Variants in CAMK2N2 observed in about 807,000 individuals in gnomAD.
CAMK2N2 encodes calcium/calmodulin dependent protein kinase II inhibitor 2.
In CAMK2N2, 3 loss-of-function variants were observed where a neutral mutation model predicts 7.8. The observed-to-expected ratio is 0.38, with a 90% confidence interval of 0.18 to 0.99. CAMK2N2 has a LOEUF of 0.99. CAMK2N2 is among the 50% of genes least tolerant of loss of function. The probability of loss-of-function intolerance (pLI) is 0.37; values close to 1 mark genes in which losing one functional copy is unlikely to be tolerated. For synonymous variants in CAMK2N2, 45 were observed against 46.6 expected (o/e 0.97, Z 0.14); for missense variants, 85 against 108.4 (o/e 0.78, Z 0.96).
rs1030772655 is a variant in CAMK2N2 at position 184,260,373 on chromosome 3, C to G, written c.170-146G>C. 3 of 689,326 alleles carry G rather than the reference C, an allele frequency of 4.4e-6. No individual in the cohort carries two copies. The African/African-American group carries it at 5.5e-5, about 13-fold the overall frequency. The allele number at this position is 689,326 out of a possible 1,614,324, so 42.7% of individuals were successfully genotyped here. A position where few individuals can be genotyped will look rare whatever the true frequency, so the allele number is the denominator to read the frequency against. ...CCTGTGCCGCGGTGTCCTCCCCGTC[C>G]GAACTCTTCTGGAGACCCAACCCGC... On this transcript the variant is annotated intron_variant, in intron 1 of 1. Coordinates refer to ENST00000296238, the MANE Select transcript of CAMK2N2 (RefSeq NM_033259.3). This position sits in a 1 kb window ranked among gnomAD's most constrained non-coding sequence, Gnocchi z 6.6.
rs1039176258 is a variant in CAMK2N2, at chr3:184,261,430, G to T, written c.-145C>A. The T allele has an allele frequency of 1.8e-4, 106 of 585,718 alleles. No individual in the cohort carries two copies. The highest frequency in any genetic ancestry group is 2.1e-4 in the Non-Finnish European group (89 of 413,954). The allele number at this position is 585,718 out of a possible 1,614,324, so 36.3% of individuals were successfully genotyped here. A position where few individuals can be genotyped will look rare whatever the true frequency, so the allele number is the denominator to read the frequency against. On this transcript the variant is annotated 5_prime_UTR_variant, in exon 1 of 2. Coordinates refer to ENST00000296238, the MANE Select transcript of CAMK2N2 (RefSeq NM_033259.3). The surrounding 1 kb of genome is among the most constrained non-coding windows in gnomAD (Gnocchi z 5.1). Reference sequence around the variant, plus strand: ...CATCCGGGGCTGAGGAGCCAAGCGGGGCCTCCTCCCCCGCGCCTCCGCCTC... The same window carrying T: ...CATCCGGGGCTGAGGAGCCAAGCGGTGCCTCCTCCCCCGCGCCTCCGCCTC...
Position 184,259,249 on chromosome 3 carries a change from TAC to T in CAMK2N2, c.*906_*907del, listed in dbSNP as rs1251752850. ...TCTGTGTTTATTCACACACTCCTGG[TAC>T]AGTGAGGATGGAGGAACATTTACGA... On this transcript the variant is annotated 3_prime_UTR_variant, in exon 2 of 2. Transcript: ENST00000296238. 2 of 152,664 alleles carry T rather than the reference TAC, an allele frequency of 1.3e-5. No homozygotes were observed. The highest frequency in any genetic ancestry group is 4.8e-5 in the African/African-American group (2 of 41,432). The allele number at this position is 152,664 out of a possible 1,614,324, so 9.5% of individuals were successfully genotyped here. A position where few individuals can be genotyped will look rare whatever the true frequency, so the allele number is the denominator to read the frequency against.
rs1030846508 is a variant in CAMK2N2 at position 184,260,678 on chromosome 3, A to C, written c.169+439T>G. Among the ~76,000 whole-genome samples, 1 of 152,002 alleles carries C rather than the reference A, an allele frequency of 6.6e-6. No individual in the cohort carries two copies. Among genetic ancestry groups the C allele is most frequent in the East Asian group, 1.9e-4 (1 of 5,158 alleles). ...CCTCTTCCGATCCTGGCACCAACAGAGCTCCCCTCCCCATGCAAACAACCA... is the reference window on the plus strand; with the variant it reads ...CCTCTTCCGATCCTGGCACCAACAGCGCTCCCCTCCCCATGCAAACAACCA... On this transcript the variant is annotated intron_variant, in intron 1 of 1. Transcript: ENST00000296238. This position sits in a 1 kb window ranked among gnomAD's most constrained non-coding sequence, Gnocchi z 6.6.
Position 184,261,358 on chromosome 3 carries a change from C to T in CAMK2N2, c.-73G>A. 3 of 1,266,620 alleles carry T rather than the reference C, an allele frequency of 2.4e-6. No homozygotes were observed. The highest frequency in any genetic ancestry group is 3.0e-6 in the Non-Finnish European group (3 of 986,706). 78.5% of individuals were successfully genotyped at this position (1,266,620 alleles called of 1,614,324 possible). On this transcript the variant is annotated 5_prime_UTR_variant, in exon 1 of 2. Coordinates refer to ENST00000296238, the MANE Select transcript of CAMK2N2 (RefSeq NM_033259.3). This position sits in a 1 kb window ranked among gnomAD's most constrained non-coding sequence, Gnocchi z 5.1. ...GCGGGCGGCGGGCTTGCTGCCGGAC[C>T]GGCCCTACCTCAGCAGGGGAGCCGG...
rs746095879 is a variant in CAMK2N2, at chr3:184,261,090, C to T, written c.169+27G>A. ...CCCGGCGGAGGGTTTCTGGGTCAGG[C>T]GGCGACTCCGGGCCCGGGCCGCGTA... On this transcript the variant is annotated intron_variant, in intron 1 of 1. Coordinates refer to ENST00000296238, the MANE Select transcript of CAMK2N2 (RefSeq NM_033259.3). This position sits in a 1 kb window ranked among gnomAD's most constrained non-coding sequence, Gnocchi z 5.1. The T allele has an allele frequency of 1.9e-6, 3 of 1,578,638 alleles. No homozygotes were observed. The highest frequency in any genetic ancestry group is 2.4e-5 in the East Asian group (1 of 41,844).
In CAMK2N2 at chr3:184,261,264, T is replaced by C. The variant is rs1022281014; in HGVS notation, c.22A>G (p.Ser8Gly). Reference protein sequence around the residue: MSEILPYSEDKMGRFGAD... With the variant: MSEILPYGEDKMGRFGAD... ...CCGAAGCGGCCCATCTTGTCTTCGC[T>C]GTAGGGCAGGATCTCGGACATGGCG... is the stretch of plus-strand genomic sequence containing the variant. Residue 8 changes from serine (S) to glycine (G), a missense_variant, in exon 1 of 2, where the codon AGC becomes GGC. Transcript: ENST00000296238. This position sits in a 1 kb window ranked among gnomAD's most constrained non-coding sequence, Gnocchi z 5.1. 6.9e-6 allele frequency: 11 copies of C among 1,583,054 alleles called. No homozygotes were observed. In the Admixed American group the frequency reaches 1.4e-4, roughly 20 times the overall value.
rs1464414701 is a variant in CAMK2N2 at position 184,261,375 on chromosome 3, G to C, written c.-90C>G. The C allele has an allele frequency of 8.9e-6, 10 of 1,124,570 alleles. No individual in the cohort carries two copies. Among genetic ancestry groups the C allele is most frequent in the Admixed American group, 8.6e-5 (2 of 23,346 alleles). The allele number at this position is 1,124,570 out of a possible 1,614,324, so 69.7% of individuals were successfully genotyped here. A position where few individuals can be genotyped will look rare whatever the true frequency, so the allele number is the denominator to read the frequency against. On this transcript the variant is annotated 5_prime_UTR_variant, in exon 1 of 2. Transcript: ENST00000296238. This position sits in a 1 kb window ranked among gnomAD's most constrained non-coding sequence, Gnocchi z 5.1. Reference sequence around the variant, plus strand: ...TGCCGGACCGGCCCTACCTCAGCAGGGGAGCCGGCGGAAGGATGAAGTCAT... The same window carrying C: ...TGCCGGACCGGCCCTACCTCAGCAGCGGAGCCGGCGGAAGGATGAAGTCAT...
rs962120762 is a variant in CAMK2N2 at position 184,259,453 on chromosome 3, G to T, written c.*704C>A. 2.0e-5 allele frequency: 3 copies of T among 152,812 alleles called. No individual in the cohort carries two copies. The highest frequency in any genetic ancestry group is 4.4e-5 in the Non-Finnish European group (3 of 68,208). The allele number at this position is 152,812 out of a possible 1,614,324, so 9.5% of individuals were successfully genotyped here. A position where few individuals can be genotyped will look rare whatever the true frequency, so the allele number is the denominator to read the frequency against. On this transcript the variant is annotated 3_prime_UTR_variant, in exon 2 of 2. Transcript: ENST00000296238. ...GGGGTCTGCCAGAAAGCCTCCTGGG[G>T]TCAGGCCTGGGCAGACTGGCCATGT...
In CAMK2N2 at chr3:184,260,235, G is replaced by A; in HGVS notation, c.170-8C>T. On this transcript the variant is annotated splice_polypyrimidine_tract_variant and splice_region_variant and intron_variant, in intron 1 of 1. Transcript: ENST00000296238. The surrounding 1 kb of genome is among the most constrained non-coding windows in gnomAD (Gnocchi z 6.6). ...GGTCATCCTCGATCACCACTGCGCA[G>A]GGAGAAAGCGCGTCAGCCGCGCGGC... 2 of 1,609,314 alleles carry A rather than the reference G, an allele frequency of 1.2e-6. No individual in the cohort carries two copies. The highest frequency in any genetic ancestry group is 1.7e-6 in the Non-Finnish European group (2 of 1,177,780).
Position 184,261,034 on chromosome 3 carries a change from G to T in CAMK2N2, c.169+83C>A. On this transcript the variant is annotated intron_variant, in intron 1 of 1. Coordinates refer to ENST00000296238, the MANE Select transcript of CAMK2N2 (RefSeq NM_033259.3). The surrounding 1 kb of genome is among the most constrained non-coding windows in gnomAD (Gnocchi z 5.1). ...CGCTGGTCTGCGGCAAGAGCTGCGG[G>T]CACTCGGCGGGGAACGGCAGCCGGG... 5.7e-6 allele frequency: 8 copies of T among 1,406,504 alleles called. No individual in the cohort carries two copies. The highest frequency in any genetic ancestry group is 7.5e-6 in the Non-Finnish European group (8 of 1,068,790). The allele number at this position is 1,406,504 out of a possible 1,614,324, so 87.1% of individuals were successfully genotyped here.
chr3:184,259,953 CG>C lies in CAMK2N2; in HGVS notation c.*203del, dbSNP rs1186149801. On this transcript the variant is annotated 3_prime_UTR_variant, in exon 2 of 2. Coordinates refer to ENST00000296238, the MANE Select transcript of CAMK2N2 (RefSeq NM_033259.3). ...CATGAGCGCGGCGGCGGGTTCCGGG[CG>C]GGTCCGCGCCGCCGCTACCGCGGCC... 1.3e-5 allele frequency: 2 copies of C among 152,542 alleles called. No homozygotes were observed. Among genetic ancestry groups the C allele is most frequent in the Non-Finnish European group, 2.9e-5 (2 of 69,178 alleles). 9.4% of individuals were successfully genotyped at this position (152,542 alleles called of 1,614,324 possible).
chr3:184,259,826 AG>A lies in CAMK2N2; in HGVS notation c.*330del, dbSNP rs1231646646. 5.6e-4 allele frequency: 3 copies of A among 5,334 alleles called. No individual in the cohort carries two copies. The highest frequency in any genetic ancestry group is 1.4e-3 in the Non-Finnish European group (3 of 2,132). 0.3% of individuals were successfully genotyped at this position (5,334 alleles called of 1,614,324 possible). A position where few individuals can be genotyped will look rare whatever the true frequency, so the allele number is the denominator to read the frequency against. On this transcript the variant is annotated 3_prime_UTR_variant, in exon 2 of 2. Transcript: ENST00000296238. ...CAGACTGGCCGGAGGGGGGCGGGGC[AG>A]GGGAGCCGTGCGGGAGGGGGCGGGC... is the stretch of plus-strand genomic sequence containing the variant.
chr3:184,261,059 G>A lies in CAMK2N2; in HGVS notation c.169+58C>T, dbSNP rs1236653829. On this transcript the variant is annotated intron_variant, in intron 1 of 1. Coordinates refer to ENST00000296238, the MANE Select transcript of CAMK2N2 (RefSeq NM_033259.3). The surrounding 1 kb of genome is among the most constrained non-coding windows in gnomAD (Gnocchi z 5.1). ...GCACTCGGCGGGGAACGGCAGCCGG[G>A]GGGCGCCCGGCGGAGGGTTTCTGGG... The A allele has an allele frequency of 2.0e-6, 3 of 1,504,992 alleles. No individual in the cohort carries two copies. Among genetic ancestry groups the A allele is most frequent in the Non-Finnish European group, 2.6e-6 (3 of 1,134,652 alleles). 93.2% of individuals were successfully genotyped at this position (1,504,992 alleles called of 1,614,324 possible). A position where few individuals can be genotyped will look rare whatever the true frequency, so the allele number is the denominator to read the frequency against.
In CAMK2N2 at chr3:184,260,265, G is replaced by A. The variant is rs764054440; in HGVS notation, c.170-38C>T. 19 of 1,592,928 alleles carry A rather than the reference G, an allele frequency of 1.2e-5. No homozygotes were observed. The East Asian group carries it at 3.4e-4, about 28-fold the overall frequency. ...AAAGCGCGTCAGCCGCGCGGCCTCGGGGGGCGGCGGCGATGAGAATGAGCC... is the reference window on the plus strand; with the variant it reads ...AAAGCGCGTCAGCCGCGCGGCCTCGAGGGGCGGCGGCGATGAGAATGAGCC... On this transcript the variant is annotated intron_variant, in intron 1 of 1. Transcript: ENST00000296238. This position sits in a 1 kb window ranked among gnomAD's most constrained non-coding sequence, Gnocchi z 6.6.
At position 184,260,253 on chromosome 3, in the gene CAMK2N2, C is replaced by T; in HGVS notation, c.170-26G>A. 1 of 1,604,478 alleles carries T rather than the reference C, an allele frequency of 6.2e-7. No individual in the cohort carries two copies. Among genetic ancestry groups the T allele is most frequent in the South Asian group, 1.1e-5 (1 of 90,870 alleles). On this transcript the variant is annotated intron_variant, in intron 1 of 1. Transcript: ENST00000296238. This position sits in a 1 kb window ranked among gnomAD's most constrained non-coding sequence, Gnocchi z 6.6. ...CTGCGCAGGGAGAAAGCGCGTCAGC[C>T]GCGCGGCCTCGGGGGGCGGCGGCGA...
At position 184,260,610 on chromosome 3, in the gene CAMK2N2, G is replaced by A. The variant is rs1025746042; in HGVS notation, c.170-383C>T. Among the ~76,000 whole-genome samples the A allele has an allele frequency of 3.3e-5, 5 of 152,026 alleles. No individual in the cohort carries two copies. The highest frequency in any genetic ancestry group is 1.2e-4 in the African/African-American group (5 of 41,370). On this transcript the variant is annotated intron_variant, in intron 1 of 1. Coordinates refer to ENST00000296238, the MANE Select transcript of CAMK2N2 (RefSeq NM_033259.3). This position sits in a 1 kb window ranked among gnomAD's most constrained non-coding sequence, Gnocchi z 6.6. ...GGGGCTCAAACCGAGTATCCAGCTGGTCCAGCCCTCTCCTCAACCTGAGCC... is the reference window on the plus strand; with the variant it reads ...GGGGCTCAAACCGAGTATCCAGCTGATCCAGCCCTCTCCTCAACCTGAGCC...
rs1719989384 is a variant in CAMK2N2 at position 184,260,164 on chromosome 3, C to T, written c.233G>A (p.Gly78Glu). The T allele has an allele frequency of 3.1e-6, 5 of 1,599,956 alleles. No homozygotes were observed. The East Asian group carries it at 9.1e-5, about 29-fold the overall frequency. Residue 78 changes from glycine to glutamate, a missense_variant, in exon 2 of 2, where the codon GGA becomes GAA. Transcript: ENST00000296238. The surrounding 1 kb of genome is among the most constrained non-coding windows in gnomAD (Gnocchi z 6.6). ...LKGMGEKPPS[G>E]V is the part of the protein sequence containing the mutation. ...CCGCCCGAGCCGGCGCGTCTACACT[C>T]CGGACGGCGGCTTCTCCCCCATCCC...
chr3:184,260,386 A>T lies in CAMK2N2; in HGVS notation c.170-159T>A, dbSNP rs1391832710. Among the ~76,000 whole-genome samples the T allele has an allele frequency of 6.6e-6, 1 of 152,036 alleles. No individual in the cohort carries two copies. The highest frequency in any genetic ancestry group is 1.5e-5 in the Non-Finnish European group (1 of 67,972). On this transcript the variant is annotated intron_variant, in intron 1 of 1. Transcript: ENST00000296238. The surrounding 1 kb of genome is among the most constrained non-coding windows in gnomAD (Gnocchi z 6.6). ...GTCCTCCCCGTCCGAACTCTTCTGG[A>T]GACCCAACCCGCCGCCAAGCCTAGA...
In CAMK2N2 at chr3:184,261,292, C is replaced by T. The variant is rs914937195; in HGVS notation, c.-7G>A. 2 of 1,476,542 alleles carry T rather than the reference C, an allele frequency of 1.4e-6. No individual in the cohort carries two copies. Among genetic ancestry groups the T allele is most frequent in the Non-Finnish European group, 1.8e-6 (2 of 1,114,000 alleles). The allele number at this position is 1,476,542 out of a possible 1,614,324, so 91.5% of individuals were successfully genotyped here. A position where few individuals can be genotyped will look rare whatever the true frequency, so the allele number is the denominator to read the frequency against. On this transcript the variant is annotated 5_prime_UTR_variant, in exon 1 of 2. Transcript: ENST00000296238. The surrounding 1 kb of genome is among the most constrained non-coding windows in gnomAD (Gnocchi z 5.1). ...AGGGCAGGATCTCGGACATGGCGGG[C>T]GCGGGGTGGGCGCGGGGCGGGAGCG... is the stretch of plus-strand genomic sequence containing the variant.
Sources: allele counts gnomAD v4.1 joint callset (sites outside exome capture counted in the v4.1 genomes callset), GRCh38; gene constraint gnomAD v4.1.1; non-coding constraint Gnocchi (gnomAD v3.1); transcripts MANE v1.5; gene names NCBI Gene and HGNC (gene_info 2026-07-23, HGNC 2026-07-21).